The following CDH13 variants were observed in gnomAD, a reference collection of about 807,000 sequenced individuals.
The protein encoded by CDH13 is cadherin 13.
In CDH13, 24 loss-of-function variants were observed where a neutral mutation model predicts 63.8. The observed-to-expected ratio is 0.38, with a 90% CI of 0.27 to 0.53. The LOEUF (loss-of-function observed/expected upper bound fraction) is 0.53. Ranked by LOEUF, CDH13 falls within the 20% of genes least tolerant of loss-of-function variation. CDH13 has a pLI of 0.85. For synonymous variants in CDH13, 503 were observed against 355.3 expected, an observed-to-expected ratio of 1.42 and a Z score of -4.67; for missense variants, 1,049 against 903.1, an observed-to-expected ratio of 1.16 and a Z score of -2.07.
At chr16:82,902,853 T>A (rs926824916) in intron 2 of CDH13, among the ~76,000 whole-genome samples, 1 of 152,164 alleles carries the variant, frequency 6.6e-6, no homozygotes, top group Non-Finnish European at 1.5e-5. Flanking sequence ...TCATCCAATA[T>A]AAACTGCCAA....
intron 6 of CDH13, among the ~76,000 whole-genome samples, chr16:83,353,496 T>C (rs563587540): frequency 2.6e-5 from 4 of 152,382 alleles, no homozygotes; most frequent in Non-Finnish European, 5.9e-5. Flanking sequence ...AGAGAATGCC[T>C]GAACCCCTTT....
intron 1 of CDH13, among the ~76,000 whole-genome samples, chr16:82,836,899 C>T (rs2151123992): frequency 6.6e-6 from 1 of 152,320 alleles, no homozygotes; most frequent in Non-Finnish European, 1.5e-5. Context: ...AATATGCAGT[C>T]CCTTTAAAGG....
At chr16:82,769,288 T>C (rs547661993) in intron 1 of CDH13, among the ~76,000 whole-genome samples, 15 of 152,306 alleles carry the variant, frequency 9.8e-5, no homozygotes. Flanking sequence ...AACTGTTATT[T>C]GGTGCCGTGG....
intron 2 of CDH13, among the ~76,000 whole-genome samples, chr16:82,879,055 T>C (rs1044173534): frequency 7.2e-5 from 11 of 152,124 alleles, no homozygotes; most frequent in Non-Finnish European, 1.2e-4. Context: ...TTTCAACTTA[T>C]GGTCAGCTCC....
chr16:83,290,586 A>G (rs1451859076), intron 5 of CDH13, among the ~76,000 whole-genome samples: 2 of 152,072 alleles, frequency 1.3e-5, no homozygotes, highest in African/African-American at 4.8e-5. Flanking sequence ...CTTTTTCTTT[A>G]TAAATTATGC....
rs537661406 is a variant in CDH13, at chr16:82,770,476, T to A, written c.46-87886T>A. Among the ~76,000 whole-genome samples, 5 of 152,338 alleles carry A rather than the reference T, an allele frequency of 3.3e-5. No homozygotes were observed. In the East Asian group the frequency reaches 9.6e-4, roughly 29 times the overall value. On this transcript the variant is annotated intron_variant, in intron 1 of 13. Coordinates refer to ENST00000567109, the MANE Select transcript of CDH13 (RefSeq NM_001257.5). ...ATTTTGAAATTGTTGGTTTAGTTTT[T>A]TTATAGTTTGACTCATCAAAAATCA... is the stretch of plus-strand genomic sequence containing the variant.
chr16:83,113,492 C>T (rs2035159314), intron 3 of CDH13, among the ~76,000 whole-genome samples: 1 of 152,200 alleles, frequency 6.6e-6, no homozygotes, highest in Non-Finnish European at 1.5e-5. Context: ...GTGCTAGGCA[C>T]CAGGGGGCGT....
At chr16:83,247,702 A>G (rs2113292) in intron 5 of CDH13, among the ~76,000 whole-genome samples, 129,289 of 152,156 alleles carry the variant, frequency 0.85, 54,968 homozygotes, top group East Asian at 0.97. Context: ...TCATTGATAC[A>G]GGAATTGGCT....
chr16:83,256,367 CA>C (rs1906259766), intron 5 of CDH13, among the ~76,000 whole-genome samples: 1 of 151,964 alleles, frequency 6.6e-6, no homozygotes, highest in African/African-American at 2.4e-5. Flanking sequence ...TAAATATTTA[CA>C]AGAAATTAAT....
At chr16:83,059,412 A>T (rs1271360622) in intron 3 of CDH13, among the ~76,000 whole-genome samples, 1 of 152,140 alleles carries the variant, frequency 6.6e-6, no homozygotes, top group African/African-American at 2.4e-5. Context: ...GCTTAGGTTG[A>T]ACTCTGGGAG....
intron 3 of CDH13, among the ~76,000 whole-genome samples, chr16:83,049,322 C>CCA (rs1280996708): frequency 0.049 from 5,444 of 110,910 alleles, 406 homozygotes; most frequent in Middle Eastern, 0.064. Flanking sequence ...TTATGACTGG[C>CCA]CTCTTTTTTT....
intron 8 of CDH13, among the ~76,000 whole-genome samples, chr16:83,616,235 A>G (rs1026354271): frequency 6.6e-6 from 1 of 152,182 alleles, no homozygotes; most frequent in Non-Finnish European, 1.5e-5. Context: ...TGGAATGTCA[A>G]AACATCTGGA....
At chr16:82,891,304 C>T (rs1011471420) in intron 2 of CDH13, among the ~76,000 whole-genome samples, 1 of 152,068 alleles carries the variant, frequency 6.6e-6, no homozygotes, top group Non-Finnish European at 1.5e-5. Flanking sequence ...AAGCAGATTT[C>T]GTGGAACCCA....
intron 8 of CDH13, among the ~76,000 whole-genome samples, chr16:83,669,268 T>C (rs1914288560): frequency 6.6e-6 from 1 of 152,094 alleles, no homozygotes; most frequent in Non-Finnish European, 1.5e-5. Context: ...ATAACCATAA[T>C]AGATTTTCAT....
At chr16:82,938,765 G>A (rs1163370647) in intron 2 of CDH13, among the ~76,000 whole-genome samples, 1 of 152,318 alleles carries the variant, frequency 6.6e-6, no homozygotes, top group Middle Eastern at 3.4e-3. Flanking sequence ...AGCTATGGTA[G>A]GCAACTAAAG....
intron 10 of CDH13, among the ~76,000 whole-genome samples, chr16:83,713,916 G>A (rs372380059): frequency 3.3e-5 from 5 of 152,158 alleles, no homozygotes; most frequent in African/African-American, 1.2e-4. Flanking sequence ...GTTTCAAAAG[G>A]CCAGCAGTAG....
At chr16:83,208,120 A>G (rs1425128372) in intron 4 of CDH13, among the ~76,000 whole-genome samples, 5 of 152,068 alleles carry the variant, frequency 3.3e-5, no homozygotes, top group Admixed American at 6.6e-5. Flanking sequence ...TGGCGTGAGC[A>G]CTGCTGATTG....
intron 7 of CDH13, among the ~76,000 whole-genome samples, chr16:83,494,027 A>G (rs997134806): frequency 6.6e-6 from 1 of 152,248 alleles, no homozygotes; most frequent in African/African-American, 2.4e-5. Flanking sequence ...TTCTTAAAGT[A>G]TCAGACAATC....
chr16:83,426,085 A>G (rs1410886017), intron 6 of CDH13, among the ~76,000 whole-genome samples: 2 of 152,120 alleles, frequency 1.3e-5, no homozygotes, highest in Non-Finnish European at 2.9e-5. Flanking sequence ...CTAGGAGGAG[A>G]AATCAGTATT....
Sources: gnomAD v4.1 joint callset for allele counts (sites outside exome capture counted in the v4.1 genomes callset) on GRCh38, gnomAD v4.1.1 for gene constraint, MANE v1.5 for transcripts, NCBI Gene and HGNC (gene_info 2026-07-23, HGNC 2026-07-21) for gene names.